The following LYPD6 variants were observed in gnomAD, a reference collection of about 807,000 sequenced individuals.
The protein encoded by LYPD6 is LY6/PLAUR domain containing 6.
LYPD6 carries 15 observed loss-of-function variants against 22.7 expected under a neutral mutation model. That is an observed-to-expected ratio of 0.66 (90% confidence interval 0.44 to 1.02). The LOEUF (loss-of-function observed/expected upper bound fraction) is 1.02, where lower values mean the gene tolerates loss of function less well. Ranked by LOEUF, LYPD6 falls within the 50% of genes least tolerant of loss-of-function variation. The pLI, the probability that LYPD6 is intolerant of heterozygous loss-of-function variation, is 0.00. For missense variants in LYPD6, 189 were observed against 208.4 expected (o/e 0.91, Z 0.57); for synonymous variants, 72 against 77.5 (o/e 0.93, Z 0.37).
In LYPD6 at chr2:149,470,572, T is replaced by G. The variant is rs572419887; in HGVS notation, c.349-111T>G. ...TAGAGTTGGCATCTCCTTTATAGAT[T>G]AGGTAATTTTTACTTGCATCTTGCC... On this transcript the variant is annotated intron_variant, in intron 4 of 4. Coordinates refer to ENST00000334166, the MANE Select transcript of LYPD6 (RefSeq NM_194317.5). 181 of 845,484 alleles carry G rather than the reference T, an allele frequency of 2.1e-4. No homozygotes were observed. In the African/African-American group the frequency reaches 2.7e-3, roughly 13 times the overall value. The allele number at this position is 845,484 out of a possible 1,614,324, so 52.4% of individuals were successfully genotyped here. A position where few individuals can be genotyped will look rare whatever the true frequency, so the allele number is the denominator to read the frequency against.
intron 1 of LYPD6, among the ~76,000 whole-genome samples, chr2:149,379,901 A>G (rs1682021063): frequency 6.6e-6 from 1 of 152,232 alleles, no homozygotes; most frequent in South Asian, 2.1e-4. Context: ...GAGCAAGATA[A>G]ATCAGTAAAC....
At chr2:149,446,490 T>C (rs766346563) in intron 2 of LYPD6, among the ~76,000 whole-genome samples, 1 of 152,232 alleles carries the variant, frequency 6.6e-6, no homozygotes, top group Non-Finnish European at 1.5e-5. Flanking sequence ...CATTTTTCTA[T>C]AGGTGGGTAA....
intron 1 of LYPD6, among the ~76,000 whole-genome samples, chr2:149,365,402 T>C (rs959940048): frequency 4.6e-5 from 7 of 152,346 alleles, no homozygotes; most frequent in African/African-American, 1.4e-4. Flanking sequence ...ACTGAATCAA[T>C]GTAGGTCTTC....
chr2:149,345,330 G>A (rs184012123), intron 1 of LYPD6, among the ~76,000 whole-genome samples: 9 of 132,262 alleles, frequency 6.8e-5, no homozygotes, highest in East Asian at 2.3e-4. Flanking sequence ...TTTTTGAGAC[G>A]GAGCCTCGCT....
chr2:149,373,519 A>AGG (rs1383494551), intron 1 of LYPD6, among the ~76,000 whole-genome samples: 1 of 152,106 alleles, frequency 6.6e-6, no homozygotes, highest in African/African-American at 2.4e-5. Context: ...AAGGGATGAA[A>AGG]GGGGAGTACA....
At chr2:149,468,558 A>T (rs1681257876) in intron 3 of LYPD6, 87 bp from the exon 4 acceptor site, 5 of 1,461,558 alleles carry the variant, frequency 3.4e-6, no homozygotes, top group African/African-American at 2.8e-5. Context: ...TCTTTTCTGG[A>T]ATGATAATGC....
At chr2:149,431,983 A>G (rs912256104) in intron 1 of LYPD6, among the ~76,000 whole-genome samples, 1 of 152,236 alleles carries the variant, frequency 6.6e-6, no homozygotes, top group African/African-American at 2.4e-5. Flanking sequence ...AGATATACAA[A>G]TGGCTAATAA....
intron 1 of LYPD6, among the ~76,000 whole-genome samples, chr2:149,350,166 A>G (rs1681332965): frequency 6.6e-6 from 1 of 152,250 alleles, no homozygotes; most frequent in Non-Finnish European, 1.5e-5. Flanking sequence ...TGCCAGCTTC[A>G]GAACAAATGG....
At chr2:149,406,260 C>T (rs1682704745) in intron 1 of LYPD6, among the ~76,000 whole-genome samples, 1 of 152,038 alleles carries the variant, frequency 6.6e-6, no homozygotes, top group Non-Finnish European at 1.5e-5. Context: ...CCACTTGGTG[C>T]AGAGCTGAGT....
intron 1 of LYPD6, among the ~76,000 whole-genome samples, chr2:149,362,115 C>A (rs1681581820): frequency 6.6e-6 from 1 of 152,168 alleles, no homozygotes; most frequent in Non-Finnish European, 1.5e-5. Flanking sequence ...CCATATTGGA[C>A]TTCTGACCTT....
intron 1 of LYPD6, among the ~76,000 whole-genome samples, chr2:149,398,799 A>G (rs1036012142): frequency 1.1e-4 from 16 of 152,222 alleles, no homozygotes; most frequent in Non-Finnish European, 2.1e-4. Flanking sequence ...GGTGCAAGTC[A>G]AACAGAATGG....
intron 3 of LYPD6, among the ~76,000 whole-genome samples, chr2:149,467,733 A>G (rs890836357): frequency 1.3e-5 from 2 of 152,158 alleles, no homozygotes; most frequent in Non-Finnish European, 2.9e-5. Flanking sequence ...AGAATTATTC[A>G]TTTTCTTTTT....
chr2:149,439,802 A>G (rs1424507033), intron 2 of LYPD6: 1 of 152,238 alleles, frequency 6.6e-6, no homozygotes, highest in African/African-American at 2.4e-5. Flanking sequence ...AATGTTAATT[A>G]AGTAAAGCCA....
chr2:149,376,405 A>G (rs995009669), intron 1 of LYPD6, among the ~76,000 whole-genome samples: 7 of 151,466 alleles, frequency 4.6e-5, no homozygotes, highest in African/African-American at 1.7e-4. Context: ...TTTTTTTTCC[A>G]TTGCCTTCTT....
intron 2 of LYPD6, among the ~76,000 whole-genome samples, chr2:149,441,123 A>G (rs1241783000): frequency 6.6e-6 from 1 of 152,188 alleles, no homozygotes. Context: ...GTCCTTGAGC[A>G]CTAGACCATA....
chr2:149,415,468 C>A (rs1284232023), intron 1 of LYPD6, among the ~76,000 whole-genome samples: 1 of 152,086 alleles, frequency 6.6e-6, no homozygotes, highest in African/African-American at 2.4e-5. Context: ...GGTACAGGCA[C>A]ATTAGAAAGG....
At chr2:149,475,251 A>G (rs1036081512), downstream of LYPD6, among the ~76,000 whole-genome samples, 6 of 152,204 alleles carry the variant, frequency 3.9e-5, no homozygotes, top group Non-Finnish European at 7.3e-5. Context: ...AGTGAAGTAC[A>G]TGAAAACACT....
intron 1 of LYPD6, among the ~76,000 whole-genome samples, chr2:149,338,565 A>C (rs1184577861): frequency 1.3e-5 from 2 of 152,184 alleles, no homozygotes; most frequent in Admixed American, 1.3e-4. Context: ...TTCTTCTGCC[A>C]TGTGAGGACA....
In LYPD6 at chr2:149,411,967, T is replaced by C. The variant is rs542453887; in HGVS notation, c.-71-25671T>C. On this transcript the variant is annotated intron_variant, in intron 1 of 4. Transcript: ENST00000334166. ...TTTTTTCTCGTAATATAGCATATGG[T>C]CTTCTTATTAAAGTCTGTACGATAT... is the stretch of plus-strand genomic sequence containing the variant. Among the ~76,000 whole-genome samples, 3 of 152,324 alleles carry C rather than the reference T, an allele frequency of 2.0e-5. No homozygotes were observed. In the South Asian group the frequency reaches 6.2e-4, roughly 32 times the overall value.
Sources: gnomAD v4.1 joint callset for allele counts (sites outside exome capture counted in the v4.1 genomes callset) on GRCh38, gnomAD v4.1.1 for gene constraint, MANE v1.5 for transcripts, NCBI Gene and HGNC (gene_info 2026-07-23, HGNC 2026-07-21) for gene names.